Variants in BICDL2 observed in about 807,000 individuals in gnomAD.
BICDL2 encodes BICD family like cargo adaptor 2.
Under a neutral mutation model 56.6 loss-of-function variants are expected in BICDL2, and 62 were observed. That is an observed-to-expected ratio of 1.10 (90% confidence interval 0.89 to 1.35). The LOEUF (loss-of-function observed/expected upper bound fraction) is 1.35, where lower values mean the gene tolerates loss of function less well. Ranked by LOEUF, BICDL2 falls within the 40% of genes most tolerant of loss-of-function variation. The pLI, the probability that BICDL2 is intolerant of heterozygous loss-of-function variation, is 0.00. For synonymous variants in BICDL2, 358 were observed against 319.8 expected (o/e 1.12, Z -1.27); for missense variants, 808 against 684.5 (o/e 1.18, Z -2.01).
At chr16:3,036,138 G>A (rs891980534) in intron 1 of BICDL2, 1 of 399,474 alleles carries the variant, frequency 2.5e-6, no homozygotes, top group Non-Finnish European at 4.9e-6. Context: ...CCCCCACCAA[G>A]GATTCCCACC....
At chr16:3,030,108 A>G (rs1955630378) in intron 5 of BICDL2, 1 of 457,126 alleles carries the variant, frequency 2.2e-6, no homozygotes, top group Non-Finnish European at 3.9e-6. Context: ...CAAAGTGCAG[A>G]CTCCTTTGAT....
At position 3,030,984 on chromosome 16, in the gene BICDL2, A is replaced by AG; in HGVS notation, c.448dup (p.Leu150ProfsTer22). On this transcript the variant is annotated frameshift_variant, in exon 3 of 10. Transcript: ENST00000572449. LOFTEE classifies it high-confidence loss of function. The stretch of plus-strand genomic sequence containing the variant: ...GAGGTTCTGCTCGCTGAGCTCGCTG[A>AG]GGGCCCGTGCCCGTTCTCGCCCACT... 3 of 1,553,760 alleles carry AG rather than the reference A, an allele frequency of 1.9e-6. No homozygotes were observed. In the South Asian group the frequency reaches 3.5e-5, roughly 18 times the overall value.
rs371973819 is a variant in BICDL2 at position 3,029,169 on chromosome 16, A to G, written c.1107+111T>C. 5 of 1,384,456 alleles carry G rather than the reference A, an allele frequency of 3.6e-6. No individual in the cohort carries two copies. The South Asian group carries it at 6.5e-5, about 18-fold the overall frequency. 85.8% of individuals were successfully genotyped at this position (1,384,456 alleles called of 1,614,324 possible). ...CTTGAAGTAAGTTTGTTGAGATGAA[A>G]GCCGATCCAGGTATAGGGAGCTTAG... On this transcript the variant is annotated intron_variant, in intron 7 of 9. Coordinates refer to ENST00000572449, the MANE Select transcript of BICDL2 (RefSeq NM_001369667.1).
intron 2 of BICDL2, chr16:3,034,774 T>C (rs1369678854): frequency 6.2e-6 from 1 of 160,384 alleles, no homozygotes; most frequent in Non-Finnish European, 1.4e-5. Flanking sequence ...CATAGAATCA[T>C]AGCTTACTGC....
intron 2 of BICDL2, 39 bp downstream of exon 2, chr16:3,035,176 T>TTGGGGGGGGGGGGG: frequency 8.1e-5 from 11 of 136,266 alleles, no homozygotes; most frequent in East Asian, 5.7e-4. Flanking sequence ...CGTCCTCCCC[T>TTGGGGGGGGGGGGG]GCCCACCCAC....
intron 2 of BICDL2, chr16:3,031,725 G>A (rs1230212581): frequency 4.3e-5 from 17 of 394,064 alleles, no homozygotes; most frequent in Admixed American, 4.4e-5. Flanking sequence ...GGCCCTCAAA[G>A]CGGGATGGGC....
Position 3,027,790 on chromosome 16 carries a change from G to T in BICDL2, c.*316C>A. 2 of 1,028,698 alleles carry T rather than the reference G, an allele frequency of 1.9e-6. No homozygotes were observed. The highest frequency in any genetic ancestry group is 6.0e-4 in the Middle Eastern group (2 of 3,338). 63.7% of individuals were successfully genotyped at this position (1,028,698 alleles called of 1,614,324 possible). On this transcript the variant is annotated 3_prime_UTR_variant, in exon 10 of 10. Coordinates refer to ENST00000572449, the MANE Select transcript of BICDL2 (RefSeq NM_001369667.1). ...TCTATGAATGGGGGCCAAATCGGTGGAGTGATTTATATATTACTCTGTCCG... is the reference window on the plus strand; with the variant it reads ...TCTATGAATGGGGGCCAAATCGGTGTAGTGATTTATATATTACTCTGTCCG...
In BICDL2 at chr16:3,035,444, G is replaced by T. The variant is rs555878860; in HGVS notation, c.53C>A (p.Ala18Asp). ...GAAGCCCTCGTCGCCGCTGGGAGAGGCGCCCCCTGAGAGCGGCCCGGACGG... is the reference window on the plus strand; with the variant it reads ...GAAGCCCTCGTCGCCGCTGGGAGAGTCGCCCCCTGAGAGCGGCCCGGACGG... The part of the protein sequence containing the change: ...SFPSGPLSGG[A>D]SPSGDEGFFP... The change falls in exon 2 of 10, where the codon GCC (alanine) becomes GAC (aspartate). Residue 18 changes from alanine to aspartate, a missense_variant. Ala to Asp is a moderately radical substitution (Grantham distance 126). Transcript: ENST00000572449. The T allele has an allele frequency of 6.2e-7, 1 of 1,612,240 alleles. No homozygotes were observed. Among genetic ancestry groups the T allele is most frequent in the Admixed American group, 1.7e-5 (1 of 60,012 alleles).
rs925190433 is a variant in BICDL2 at position 3,028,205 on chromosome 16, C to T, written c.1428G>A (p.Ala476=). Residue 476 remains alanine, a synonymous_variant, in exon 10 of 10, where the codon GCG becomes GCA. Transcript: ENST00000572449. Reference sequence around the variant, plus strand: ...CGGCACGGCGCGGGGTCGACGACGACGCGGAGGCGCTCAGCTCCTTCTGGC... The same window carrying T: ...CGGCACGGCGCGGGGTCGACGACGATGCGGAGGCGCTCAGCTCCTTCTGGC... ...SQRQKELSAS[A]SSSTPRRAAP... 5 of 1,468,700 alleles carry T rather than the reference C, an allele frequency of 3.4e-6. No homozygotes were observed. The highest frequency in any genetic ancestry group is 1.5e-5 in the African/African-American group (1 of 67,352). 91.0% of individuals were successfully genotyped at this position (1,468,700 alleles called of 1,614,324 possible). A position where few individuals can be genotyped will look rare whatever the true frequency, so the allele number is the denominator to read the frequency against.
At position 3,029,925 on chromosome 16, in the gene BICDL2, C is replaced by A. The variant is rs1055879097; in HGVS notation, c.763-186G>T. The A allele has an allele frequency of 1.1e-5, 6 of 562,572 alleles. No individual in the cohort carries two copies. In the African/African-American group the frequency reaches 1.2e-4, roughly 11 times the overall value. The allele number at this position is 562,572 out of a possible 1,614,324, so 34.8% of individuals were successfully genotyped here. A position where few individuals can be genotyped will look rare whatever the true frequency, so the allele number is the denominator to read the frequency against. On this transcript the variant is annotated intron_variant, in intron 5 of 9. Transcript: ENST00000572449. Reference sequence around the variant, plus strand: ...CTCCCTCAGCGGATATATACAGTTTCCTCGCCTATAGAGCAGGGCCGCACC... The same window carrying A: ...CTCCCTCAGCGGATATATACAGTTTACTCGCCTATAGAGCAGGGCCGCACC...
chr16:3,030,644 T>C, intron 4 of BICDL2, 49 bp from the exon 5 acceptor site: 1 of 1,592,982 alleles, frequency 6.3e-7, no homozygotes, highest in Non-Finnish European at 8.5e-7. Context: ...CTCCCAGCCC[T>C]CAGCCCGGCT....
chr16:3,030,915 T>C lies in BICDL2; in HGVS notation c.498+20A>G. ...TCCTCCCCAACCTTGTCCAGGGCCC[T>C]GGGGTCAGGGCCATCCCACCTGAGC... On this transcript the variant is annotated intron_variant, in intron 3 of 9. Coordinates refer to ENST00000572449, the MANE Select transcript of BICDL2 (RefSeq NM_001369667.1). 2 of 1,545,200 alleles carry C rather than the reference T, an allele frequency of 1.3e-6. No homozygotes were observed. Among genetic ancestry groups the C allele is most frequent in the Non-Finnish European group, 1.7e-6 (2 of 1,150,698 alleles).
At chr16:3,031,202 G>T in intron 2 of BICDL2, 52 bp from the exon 3 acceptor site, 1 of 1,472,894 alleles carries the variant, frequency 6.8e-7, no homozygotes, top group African/African-American at 1.4e-5. Flanking sequence ...GATGAGACTG[G>T]GCAGGCACAG....
intron 1 of BICDL2, chr16:3,036,174 A>G (rs1480696036): frequency 7.0e-6 from 3 of 428,394 alleles, no homozygotes; most frequent in Admixed American, 2.9e-5. Context: ...CACGGGACTC[A>G]GGCATTCATG....
Position 3,028,199 on chromosome 16 carries a change from C to G in BICDL2, c.1434G>C (p.Ser478=), listed in dbSNP as rs771583616. The change falls in exon 10 of 10, where the codon TCG becomes TCC. Residue 478 remains serine (S), a synonymous_variant. Transcript: ENST00000572449. Reference sequence around the variant, plus strand: ...GGGGCGCGGCACGGCGCGGGGTCGACGACGACGCGGAGGCGCTCAGCTCCT... The same window carrying G: ...GGGGCGCGGCACGGCGCGGGGTCGAGGACGACGCGGAGGCGCTCAGCTCCT... The part of the protein sequence containing the change: ...RQKELSASAS[S]STPRRAAPRF... The G allele has an allele frequency of 1.6e-5, 24 of 1,464,492 alleles. No individual in the cohort carries two copies. Among genetic ancestry groups the G allele is most frequent in the Non-Finnish European group, 2.1e-5 (24 of 1,119,334 alleles). The allele number at this position is 1,464,492 out of a possible 1,614,324, so 90.7% of individuals were successfully genotyped here. A position where few individuals can be genotyped will look rare whatever the true frequency, so the allele number is the denominator to read the frequency against.
At chr16:3,030,846 A>T in intron 3 of BICDL2, 34 bp from the exon 4 acceptor site, 1 of 1,576,242 alleles carries the variant, frequency 6.3e-7, no homozygotes, top group Non-Finnish European at 8.6e-7. Flanking sequence ...GAGGAGCCTC[A>T]GCACCAAGCC....
In BICDL2 at chr16:3,028,706, A is replaced by C. The variant is rs1467751049; in HGVS notation, c.1232T>G (p.Val411Gly). Reference protein sequence around the residue: ...HSALSDRDEAVNKALELSLQL... With the variant: ...HSALSDRDEAGNKALELSLQL... Reference sequence around the variant, plus strand: ...TCAATGGCTTGAGGCTTACTTGTTCACGGCCTCGTCCCGGTCTGAGAGGGC... The same window carrying C: ...TCAATGGCTTGAGGCTTACTTGTTCCCGGCCTCGTCCCGGTCTGAGAGGGC... Residue 411 changes from valine to glycine, a missense_variant, in exon 8 of 10, where the codon GTG (valine) becomes GGG (glycine). Transcript: ENST00000572449. 3 of 1,569,578 alleles carry C rather than the reference A, an allele frequency of 1.9e-6. No individual in the cohort carries two copies. The highest frequency in any genetic ancestry group is 3.7e-5 in the Admixed American group (2 of 53,338).
intron 2 of BICDL2, 39 bp downstream of exon 2, chr16:3,035,176 T>TTGGGCCGGGGGGGG: frequency 1.5e-5 from 2 of 136,274 alleles, no homozygotes; most frequent in South Asian, 2.0e-4. Context: ...CGTCCTCCCC[T>TTGGGCCGGGGGGGG]GCCCACCCAC....
chr16:3,030,475 G>C lies in BICDL2; in HGVS notation c.736C>G (p.Arg246Gly), dbSNP rs377054828. The C allele has an allele frequency of 6.2e-7, 1 of 1,603,570 alleles. No individual in the cohort carries two copies. The highest frequency in any genetic ancestry group is 8.5e-7 in the Non-Finnish European group (1 of 1,179,424). ...TTHEELLLLR[R>G]ERREHSLELE... Reference sequence around the variant, plus strand: ...TCCAGGCTGTGCTCCCGCCGCTCCCGCCTCAGCAGCAGCAACTCCTCGTGG... The same window carrying C: ...TCCAGGCTGTGCTCCCGCCGCTCCCCCCTCAGCAGCAGCAACTCCTCGTGG... The change falls in exon 5 of 10, where the codon CGG becomes GGG. Residue 246 changes from arginine (R) to glycine (G), a missense_variant. Physicochemically the swap from Arg to Gly is moderately radical, Grantham distance 125. Transcript: ENST00000572449.
Sources: allele counts gnomAD v4.1 joint callset, GRCh38; gene constraint gnomAD v4.1.1; transcripts MANE v1.5; gene names NCBI Gene and HGNC (gene_info 2026-07-23, HGNC 2026-07-21).